ST18: variants seen among roughly 807,000 people sequenced by gnomAD.
ST18 encodes ST18 C2H2C-type zinc finger transcription factor, also known as suppression of tumorigenicity 18 protein.
In ST18, 50 loss-of-function variants were observed where a neutral mutation model predicts 110.0. That is an observed-to-expected ratio of 0.45 (90% CI 0.36 to 0.58). ST18 has a LOEUF of 0.58. Ranked by LOEUF, ST18 falls within the 20% of genes least tolerant of loss-of-function variation. ST18 has a pLI of 0.00. For missense variants in ST18, 1,306 were observed against 1,280.1 expected (o/e 1.02, Z -0.31); for synonymous variants, 461 against 452.4 (o/e 1.02, Z -0.24).
intron 23 of ST18, among the ~76,000 whole-genome samples, chr8:52,120,565 CCCAGAGCCCAGGCTGGGAAGGGAGT>C (rs1454270027): frequency 6.6e-6 from 1 of 152,078 alleles, no homozygotes; most frequent in Admixed American, 6.6e-5. Flanking sequence ...AGGAAGGAAG[CCCAGAGCCCAGGCTGGGAAGGGAGT>C]GAGTGCCCCA....
chr8:52,402,055 T>A (rs1842939168), intron 2 of ST18, among the ~76,000 whole-genome samples: 1 of 152,172 alleles, frequency 6.6e-6, no homozygotes, highest in South Asian at 2.1e-4. Flanking sequence ...TCAGCTGTGA[T>A]TAATATCAGC....
At chr8:52,311,006 T>C (rs2095896923) in intron 2 of ST18, among the ~76,000 whole-genome samples, 1 of 152,102 alleles carries the variant, frequency 6.6e-6, no homozygotes, top group South Asian at 2.1e-4. Context: ...ATTCTAGAGC[T>C]CACATCACAC....
At chr8:52,306,973 T>C (rs1164003586) in intron 2 of ST18, among the ~76,000 whole-genome samples, 6 of 152,164 alleles carry the variant, frequency 3.9e-5, no homozygotes, top group Non-Finnish European at 8.8e-5. Context: ...AAATATAAAC[T>C]AGGGTCTGAA....
At chr8:52,343,202 G>A (rs1001210558) in intron 2 of ST18, among the ~76,000 whole-genome samples, 2 of 152,074 alleles carry the variant, frequency 1.3e-5, no homozygotes, top group Admixed American at 6.6e-5. Flanking sequence ...GGGTGAGGAG[G>A]GCAAGTGAAT....
intron 2 of ST18, among the ~76,000 whole-genome samples, chr8:52,263,947 T>C (rs10104712): frequency 0.31 from 47,190 of 151,554 alleles, 7,633 homozygotes; most frequent in Middle Eastern, 0.45. Flanking sequence ...TACATGCGTG[T>C]GCCACCTCGC....
At chr8:52,161,662 C>A (rs1174459035) in intron 13 of ST18, 94 bp from the exon 14 acceptor site, 16 of 1,372,968 alleles carry the variant, frequency 1.2e-5, no homozygotes, top group Non-Finnish European at 1.5e-5. Flanking sequence ...ATGTGTCACT[C>A]CTGAAGGTAT....
intron 2 of ST18, among the ~76,000 whole-genome samples, chr8:52,363,331 T>C (rs1232572799): frequency 6.6e-6 from 1 of 152,246 alleles, no homozygotes; most frequent in Non-Finnish European, 1.5e-5. Flanking sequence ...ATTTAGAATT[T>C]TTAAATCTTT....
At chr8:52,385,979 T>G (rs996346734) in intron 2 of ST18, among the ~76,000 whole-genome samples, 4 of 152,168 alleles carry the variant, frequency 2.6e-5, no homozygotes, top group African/African-American at 4.8e-5. Flanking sequence ...CTTACAGGCC[T>G]CCTATTTCAT....
intron 2 of ST18, among the ~76,000 whole-genome samples, chr8:52,359,683 T>G (rs1824812166): frequency 6.6e-6 from 1 of 152,146 alleles, no homozygotes; most frequent in South Asian, 2.1e-4. Context: ...GCCAGGATTT[T>G]AATCCAAAGA....
At chr8:52,357,596 T>C (rs1823334344) in intron 2 of ST18, among the ~76,000 whole-genome samples, 1 of 147,056 alleles carries the variant, frequency 6.8e-6, no homozygotes, top group African/African-American at 2.5e-5. Context: ...AGACATTGTT[T>C]ATCAACAAAA....
chr8:52,384,935 G>A (rs973690631), intron 2 of ST18, among the ~76,000 whole-genome samples: 1 of 152,124 alleles, frequency 6.6e-6, no homozygotes, highest in African/African-American at 2.4e-5. Flanking sequence ...TGGAGGATAT[G>A]AAAGAAATCG....
At chr8:52,218,843 G>C (rs552480306) in intron 5 of ST18, among the ~76,000 whole-genome samples, 1 of 152,288 alleles carries the variant, frequency 6.6e-6, no homozygotes, top group Admixed American at 6.5e-5. Flanking sequence ...CTTGTGAGAT[G>C]TCGTTTCAGT....
chr8:52,210,814 G>A (rs1459459682), intron 8 of ST18, among the ~76,000 whole-genome samples: 10 of 152,076 alleles, frequency 6.6e-5, no homozygotes, highest in Non-Finnish European at 8.8e-5. Flanking sequence ...TAAGTGTTTC[G>A]CTACATAAAT....
chr8:52,396,982 C>G (rs559057769), intron 2 of ST18, among the ~76,000 whole-genome samples: 2 of 152,152 alleles, frequency 1.3e-5, no homozygotes, highest in African/African-American at 4.8e-5. Flanking sequence ...AAGTTCATCT[C>G]CTTTGGGTAT....
intron 2 of ST18, among the ~76,000 whole-genome samples, chr8:52,365,119 A>AG (rs965672117): frequency 1.3e-5 from 2 of 151,406 alleles, no homozygotes; most frequent in African/African-American, 4.9e-5. Context: ...GTCTTAAAAA[A>AG]AAAATAAAGA....
intron 22 of ST18, among the ~76,000 whole-genome samples, chr8:52,130,777 C>T (rs1187579925): frequency 6.6e-6 from 1 of 152,196 alleles, no homozygotes; most frequent in Non-Finnish European, 1.5e-5. Flanking sequence ...AAGATAACTT[C>T]ATTATTGCTA....
At chr8:52,256,847 T>TAATA (rs2138547152) in intron 2 of ST18, among the ~76,000 whole-genome samples, 1 of 152,330 alleles carries the variant, frequency 6.6e-6, no homozygotes, top group East Asian at 1.9e-4. Flanking sequence ...AAATAACTTC[T>TAATA]AATATATTCA....
chr8:52,346,016 A>G (rs1210692669), intron 2 of ST18, among the ~76,000 whole-genome samples: 4 of 152,110 alleles, frequency 2.6e-5, no homozygotes, highest in African/African-American at 9.6e-5. Context: ...GATCAAATAT[A>G]TCAATGGAAA....
At chr8:52,120,260 T>A (rs1256798004) in intron 23 of ST18, among the ~76,000 whole-genome samples, 2 of 152,180 alleles carry the variant, frequency 1.3e-5, no homozygotes, top group Admixed American at 1.3e-4. Flanking sequence ...CACTTGAAAT[T>A]TTTCTGATTT....
Sources: allele counts gnomAD v4.1 joint callset (sites outside exome capture counted in the v4.1 genomes callset), GRCh38; gene constraint gnomAD v4.1.1; transcripts MANE v1.5; gene names NCBI Gene and HGNC (gene_info 2026-07-23, HGNC 2026-07-21).